PRDM5: variants seen among roughly 807,000 people sequenced by gnomAD.
PRDM5 encodes PR domain zinc finger protein 5.
Under a neutral mutation model 81.2 loss-of-function variants are expected in PRDM5, and 56 were observed. The ratio of observed to expected loss-of-function variants is 0.69; its 90% CI spans 0.56 to 0.86. The LOEUF is 0.86. Ranked by LOEUF, PRDM5 falls within the 40% of genes least tolerant of loss-of-function variation. The probability of loss-of-function intolerance (pLI) is 0.00; values close to 1 mark genes in which losing one functional copy is unlikely to be tolerated. For synonymous variants in PRDM5, 267 were observed against 256.4 expected (o/e 1.04, Z -0.39); for missense variants, 697 against 770.1 (o/e 0.91, Z 1.12).
intron 15 of PRDM5, among the ~76,000 whole-genome samples, chr4:120,699,272 AT>A (rs1380848290): frequency 6.8e-6 from 1 of 146,996 alleles, no homozygotes; most frequent in Admixed American, 6.8e-5. Context: ...ATGTCATTAT[AT>A]TTTATCTCAA....
intron 3 of PRDM5, among the ~76,000 whole-genome samples, chr4:120,840,253 A>G (rs1023674329): frequency 4.6e-5 from 7 of 152,134 alleles, no homozygotes; most frequent in Admixed American, 2.6e-4. Flanking sequence ...TGACATTGAC[A>G]CAAGCTCTCC....
chr4:120,841,042 T>C (rs1757972947), intron 3 of PRDM5, among the ~76,000 whole-genome samples: 1 of 152,198 alleles, frequency 6.6e-6, no homozygotes, highest in South Asian at 2.1e-4. Context: ...CTTGCTGTAA[T>C]TTTGTATCCT....
rs1190789122 is a variant in PRDM5 at position 120,886,637 on chromosome 4, A to C, written c.177+20837T>G. ...CTTATTTTTTAAGAACGCCAATGGT[A>C]AAAATAGCTATACATTTATGCAATG... On this transcript the variant is annotated intron_variant, in intron 2 of 15. Transcript: ENST00000264808. 1.3e-5 allele frequency among the ~76,000 whole-genome samples: 2 copies of C among 152,220 alleles called. 1 individual carries two copies. The highest frequency in any genetic ancestry group is 3.8e-4 in the East Asian group (2 of 5,202).
At chr4:120,882,270 C>G (rs1014020391) in intron 2 of PRDM5, among the ~76,000 whole-genome samples, 1 of 152,184 alleles carries the variant, frequency 6.6e-6, no homozygotes, top group African/African-American at 2.4e-5. Context: ...GTCTCAGCTT[C>G]CCGAGTAGAT....
At chr4:120,762,387 C>T (rs1246772164) in intron 13 of PRDM5, 3 of 152,130 alleles carry the variant, frequency 2.0e-5, no homozygotes, top group South Asian at 2.1e-4. Context: ...TACCTGATAT[C>T]GTTCCACATG....
At chr4:120,920,495 T>C (rs1311828251) in intron 1 of PRDM5, among the ~76,000 whole-genome samples, 1 of 152,186 alleles carries the variant, frequency 6.6e-6, no homozygotes, top group Non-Finnish European at 1.5e-5. Context: ...TGAGGGACTG[T>C]TTGCCTTCCA....
At chr4:120,904,200 A>AAAAAAAAAAAAAAC (rs1561675861) in intron 2 of PRDM5, among the ~76,000 whole-genome samples, 2 of 146,038 alleles carry the variant, frequency 1.4e-5, no homozygotes, top group African/African-American at 5.1e-5. Flanking sequence ...AAAAAAAAAA[A>AAAAAAAAAAAAAAC]AAAAACAAAA....
At chr4:120,828,187 C>G (rs1561407924) in intron 3 of PRDM5, among the ~76,000 whole-genome samples, 1 of 152,024 alleles carries the variant, frequency 6.6e-6, no homozygotes, top group Non-Finnish European at 1.5e-5. Flanking sequence ...GTTATCTTAA[C>G]TTGTCTTAGT....
Position 120,783,441 on chromosome 4 carries a change from A to C in PRDM5, c.1282+1557T>G, listed in dbSNP as rs73843607. On this transcript the variant is annotated intron_variant, in intron 11 of 15. Coordinates refer to ENST00000264808, the MANE Select transcript of PRDM5 (RefSeq NM_018699.4). ...ATTTCTCAAGTGAATGAGAACAAAA[A>C]AACTGAAAGCAAAGGTGGTAGATTA... 8.7e-3 allele frequency among the ~76,000 whole-genome samples: 1,326 copies of C among 152,212 alleles called. 21 individuals carry two copies. Among genetic ancestry groups the C allele is most frequent in the African/African-American group, 0.03 (1,254 of 41,542 alleles).
At chr4:120,919,640 A>G (rs1489424123) in intron 1 of PRDM5, among the ~76,000 whole-genome samples, 1 of 152,168 alleles carries the variant, frequency 6.6e-6, no homozygotes, top group Admixed American at 6.5e-5. Context: ...TTAAATTTTT[A>G]TTGGATGTAT....
At chr4:120,758,633 A>G (rs1264560815) in intron 13 of PRDM5, among the ~76,000 whole-genome samples, 1 of 152,170 alleles carries the variant, frequency 6.6e-6, no homozygotes, top group Non-Finnish European at 1.5e-5. Context: ...GAGCATGGCC[A>G]TGCAAGTGCC....
At chr4:120,697,022 G>T (rs960491386) in intron 15 of PRDM5, among the ~76,000 whole-genome samples, 4 of 152,008 alleles carry the variant, frequency 2.6e-5, no homozygotes, top group Non-Finnish European at 4.4e-5. Context: ...TAAAGACCCA[G>T]GAAACATGCA....
At chr4:120,730,040 C>T (rs6815900) in intron 14 of PRDM5, among the ~76,000 whole-genome samples, 10,678 of 152,218 alleles carry the variant, frequency 0.07, 486 homozygotes, top group South Asian at 0.16. Context: ...TCATTCAATA[C>T]GGAACATAAT....
intron 3 of PRDM5, among the ~76,000 whole-genome samples, chr4:120,832,909 C>T (rs561290097): frequency 6.6e-6 from 1 of 152,216 alleles, no homozygotes; most frequent in Admixed American, 6.5e-5. Context: ...AGAGAACCAG[C>T]ATTGTGCCAA....
intron 4 of PRDM5, among the ~76,000 whole-genome samples, chr4:120,819,058 T>C (rs1184597595): frequency 6.6e-6 from 1 of 152,210 alleles, no homozygotes; most frequent in Non-Finnish European, 1.5e-5. Flanking sequence ...CTATTTAAAT[T>C]ACACATTTGT....
intron 4 of PRDM5, among the ~76,000 whole-genome samples, chr4:120,820,814 T>G (rs1755157891): frequency 6.6e-6 from 1 of 152,242 alleles, no homozygotes. Flanking sequence ...GTCAGCAACT[T>G]GCCCAACGTT....
At chr4:120,687,734 A>G (rs1218447422), downstream of PRDM5, among the ~76,000 whole-genome samples, 1 of 152,172 alleles carries the variant, frequency 6.6e-6, no homozygotes, top group Admixed American at 6.6e-5. Context: ...TTAGGTCATG[A>G]GCGCTCTGCC....
intron 14 of PRDM5, among the ~76,000 whole-genome samples, chr4:120,715,369 G>T (rs1369393230): frequency 6.6e-6 from 1 of 152,138 alleles, no homozygotes; most frequent in Non-Finnish European, 1.5e-5. Context: ...GTAACTATGT[G>T]TGTAATTTTA....
intron 3 of PRDM5, among the ~76,000 whole-genome samples, chr4:120,827,438 C>G (rs1457890554): frequency 6.6e-6 from 1 of 152,222 alleles, no homozygotes; most frequent in East Asian, 1.9e-4. Flanking sequence ...ACAGAGCATT[C>G]TCTAGAGGCA....
Sources: allele counts gnomAD v4.1 joint callset (sites outside exome capture counted in the v4.1 genomes callset), GRCh38; gene constraint gnomAD v4.1.1; transcripts MANE v1.5; gene names NCBI Gene and HGNC (gene_info 2026-07-23, HGNC 2026-07-21).